LRRTM4: variants seen among roughly 807,000 people sequenced by gnomAD.
The protein encoded by LRRTM4 is leucine-rich repeat transmembrane neuronal protein 4.
In LRRTM4, 25 loss-of-function variants were observed where a neutral mutation model predicts 47.6. The observed-to-expected ratio is 0.53, with a 90% CI of 0.38 to 0.73. The LOEUF (loss-of-function observed/expected upper bound fraction) is 0.73, where lower values mean the gene tolerates loss of function less well. Among genes scored for constraint, LRRTM4 ranks in the 30% least tolerant of loss-of-function variants. The probability of loss-of-function intolerance (pLI) is 0.00; values close to 1 mark genes in which losing one functional copy is unlikely to be tolerated. For synonymous variants in LRRTM4, 311 were observed against 269.5 expected (o/e 1.15, Z -1.51); for missense variants, 638 against 713.4 (o/e 0.89, Z 1.20).
chr2:77,043,259 TTTGG>T (rs1679097344), intron 3 of LRRTM4, among the ~76,000 whole-genome samples: 3 of 151,746 alleles, frequency 2.0e-5, no homozygotes, highest in Non-Finnish European at 4.4e-5. Flanking sequence ...CCCATTCAAG[TTTGG>T]AGTTAATGTT....
At chr2:77,402,264 G>A (rs1259925602) in intron 3 of LRRTM4, among the ~76,000 whole-genome samples, 2 of 151,888 alleles carry the variant, frequency 1.3e-5, no homozygotes, top group East Asian at 3.9e-4. Flanking sequence ...TTCCACATCA[G>A]CCTCCTGAGG....
At chr2:77,234,101 C>A (rs2103976071) in intron 3 of LRRTM4, among the ~76,000 whole-genome samples, 1 of 152,226 alleles carries the variant, frequency 6.6e-6, no homozygotes, top group East Asian at 1.9e-4. Flanking sequence ...TTCTTAAAGA[C>A]CACTTTTAGA....
chr2:77,169,691 C>T (rs1219135689), intron 3 of LRRTM4, among the ~76,000 whole-genome samples: 3 of 152,132 alleles, frequency 2.0e-5, no homozygotes, highest in Non-Finnish European at 4.4e-5. Context: ...AATACATCAG[C>T]ATGTAAACCC....
chr2:77,312,275 C>CTTTCACA (rs149204300), intron 3 of LRRTM4, among the ~76,000 whole-genome samples: 31,482 of 151,856 alleles, frequency 0.21, 3,626 homozygotes, highest in East Asian at 0.47. Flanking sequence ...ACAACTGACT[C>CTTTCACA]TTTTATTCAC....
intron 3 of LRRTM4, among the ~76,000 whole-genome samples, chr2:76,903,161 G>T (rs990637048): frequency 3.3e-5 from 5 of 152,098 alleles, no homozygotes; most frequent in African/African-American, 1.2e-4. Flanking sequence ...CAAGAGGTCA[G>T]GAGATCAAGA....
At chr2:77,366,136 A>G (rs1672444857) in intron 3 of LRRTM4, among the ~76,000 whole-genome samples, 1 of 138,736 alleles carries the variant, frequency 7.2e-6, no homozygotes, top group Non-Finnish European at 1.6e-5. Flanking sequence ...AGAATCATTA[A>G]TAATTTCTAC....
At chr2:77,162,270 G>T (rs111326124) in intron 3 of LRRTM4, among the ~76,000 whole-genome samples, 2,293 of 152,308 alleles carry the variant, frequency 0.015, 56 homozygotes, top group African/African-American at 0.052. Flanking sequence ...GCAAGGCTGG[G>T]GGTGGGGCGT....
intron 3 of LRRTM4, among the ~76,000 whole-genome samples, chr2:77,124,295 C>T: frequency 6.6e-6 from 1 of 151,978 alleles, no homozygotes; most frequent in Non-Finnish European, 1.5e-5. Context: ...GGGGCTTATA[C>T]AGAGCAACAA....
chr2:77,026,484 C>G, intron 3 of LRRTM4, among the ~76,000 whole-genome samples: 1 of 152,162 alleles, frequency 6.6e-6, no homozygotes, highest in South Asian at 2.1e-4. Context: ...TCTAAATTAT[C>G]ACAATAAGTG....
intron 3 of LRRTM4, among the ~76,000 whole-genome samples, chr2:76,974,211 C>CATACATATATATATAT: frequency 8.5e-6 from 1 of 118,222 alleles, no homozygotes; most frequent in South Asian, 2.9e-4. Flanking sequence ...TATATATATA[C>CATACATATATATATAT]ACATATATAT....
intron 3 of LRRTM4, among the ~76,000 whole-genome samples, chr2:77,097,403 G>A (rs146805397): frequency 1.8e-3 from 269 of 151,968 alleles, no homozygotes; most frequent in African/African-American, 6.3e-3. Context: ...TTTGCATTTG[G>A]TAGTTTGAAA....
chr2:77,226,873 G>T (rs147317450), intron 3 of LRRTM4, among the ~76,000 whole-genome samples: 1 of 151,948 alleles, frequency 6.6e-6, no homozygotes, highest in Admixed American at 6.6e-5. Context: ...ATGGGTTTTA[G>T]ACAGAGTGCA....
chr2:77,272,596 C>A (rs1303497943), intron 3 of LRRTM4, among the ~76,000 whole-genome samples: 2 of 152,088 alleles, frequency 1.3e-5, no homozygotes, highest in African/African-American at 4.8e-5. Flanking sequence ...GGATGTTTGT[C>A]CCCTCTAAAG....
intron 3 of LRRTM4, among the ~76,000 whole-genome samples, chr2:76,812,797 C>CTTCCTCCTCCTCTCCCTCCCCCT (rs1445313903): frequency 1.4e-5 from 1 of 71,222 alleles, no homozygotes; most frequent in Non-Finnish European, 2.5e-5. Context: ...TCCCTCCCCC[C>CTTCCTCCTCCTCTCCCTCCCCCT]CCTCCTCCTC....
At chr2:76,999,264 T>C (rs1333073822) in intron 3 of LRRTM4, among the ~76,000 whole-genome samples, 1 of 152,066 alleles carries the variant, frequency 6.6e-6, no homozygotes, top group African/African-American at 2.4e-5. Context: ...ATCCCTCAGC[T>C]CTCTAGTTAG....
Position 77,388,448 on chromosome 2 carries a change from T to C in LRRTM4, c.1551+129870A>G, listed in dbSNP as rs140998518. 1.6e-3 allele frequency among the ~76,000 whole-genome samples: 239 copies of C among 152,278 alleles called. 1 individual carries two copies. The highest frequency in any genetic ancestry group is 2.4e-3 in the Non-Finnish European group (160 of 68,022). On this transcript the variant is annotated intron_variant, in intron 3 of 3. Coordinates refer to ENST00000409884, the MANE Select transcript of LRRTM4 (RefSeq NM_001134745.3). ...GAGGAAATAAATCTGAGAGAGCTTC[T>C]CACTTTCATTCATTGTCTCTTTTCT...
chr2:76,950,699 A>C (rs778523201), intron 3 of LRRTM4, among the ~76,000 whole-genome samples: 1 of 151,982 alleles, frequency 6.6e-6, no homozygotes, highest in Non-Finnish European at 1.5e-5. Flanking sequence ...GGGCCCTATG[A>C]AAGCATTTTT....
At chr2:77,178,625 C>CT (rs1388391207) in intron 3 of LRRTM4, among the ~76,000 whole-genome samples, 41 of 151,530 alleles carry the variant, frequency 2.7e-4, no homozygotes, top group East Asian at 7.8e-4. Context: ...ACAAATAATA[C>CT]TTTTTTCTTT....
chr2:77,457,237 T>TC (rs1255899324), intron 3 of LRRTM4, among the ~76,000 whole-genome samples: 2 of 151,762 alleles, frequency 1.3e-5, no homozygotes, highest in Non-Finnish European at 2.9e-5. Context: ...ACACTTTATT[T>TC]CCCCCTCTCA....
Sources: allele counts gnomAD v4.1 joint callset (sites outside exome capture counted in the v4.1 genomes callset), GRCh38; gene constraint gnomAD v4.1.1; transcripts MANE v1.5; gene names NCBI Gene and HGNC (gene_info 2026-07-23, HGNC 2026-07-21).